STON2: variants seen among roughly 807,000 people sequenced by gnomAD.
STON2 encodes stonin-2.
In STON2, 29 loss-of-function variants were observed where a neutral mutation model predicts 65.7. The observed-to-expected ratio is 0.44, with a 90% CI of 0.33 to 0.60. The LOEUF is 0.60. Ranked by LOEUF, STON2 falls within the 20% of genes least tolerant of loss-of-function variation. The probability of loss-of-function intolerance (pLI) is 0.03; values close to 1 mark genes in which losing one functional copy is unlikely to be tolerated. For synonymous variants in STON2, 404 were observed against 414.2 expected (o/e 0.98, Z 0.30); for missense variants, 1,054 against 1,118.1 (o/e 0.94, Z 0.82).
At chr14:81,435,979 C>A (rs1271007658) in intron 1 of STON2, 1 of 152,294 alleles carries the variant, frequency 6.6e-6, no homozygotes. Flanking sequence ...CCTCCCCACT[C>A]GGGCCGATGA....
At chr14:81,388,575 G>A (rs543238247) in intron 3 of STON2, among the ~76,000 whole-genome samples, 1 of 152,310 alleles carries the variant, frequency 6.6e-6, no homozygotes, top group East Asian at 1.9e-4. Flanking sequence ...TACCATTAAT[G>A]ACAGTCTCTT....
At chr14:81,307,652 C>G (rs1051044935) in intron 5 of STON2, among the ~76,000 whole-genome samples, 3 of 152,236 alleles carry the variant, frequency 2.0e-5, no homozygotes, top group Non-Finnish European at 4.4e-5. Context: ...TCTTCTGCCT[C>G]TGCCACCCCA....
intron 3 of STON2, among the ~76,000 whole-genome samples, chr14:81,393,346 C>T (rs1053893643): frequency 1.3e-5 from 2 of 152,322 alleles, no homozygotes; most frequent in African/African-American, 4.8e-5. Context: ...CCACCCATCA[C>T]TTACCTTCCA....
intron 1 of STON2, among the ~76,000 whole-genome samples, chr14:81,432,742 T>G (rs867053520): frequency 6.6e-6 from 1 of 152,258 alleles, no homozygotes; most frequent in Non-Finnish European, 1.5e-5. Flanking sequence ...TTTCTCACTA[T>G]GAGCATTGCA....
At chr14:81,295,741 C>A (rs970078896) in intron 5 of STON2, among the ~76,000 whole-genome samples, 1 of 152,168 alleles carries the variant, frequency 6.6e-6, no homozygotes, top group Non-Finnish European at 1.5e-5. Context: ...CATTTCAAAG[C>A]ACATTGGTTT....
rs192362003 is a variant in STON2, at chr14:81,336,852, G to A, written c.572-12665C>T. Among the ~76,000 whole-genome samples the A allele has an allele frequency of 7.2e-5, 11 of 152,296 alleles. No individual in the cohort carries two copies. In the East Asian group the frequency reaches 1.9e-3, roughly 27 times the overall value. ...TGAATGAATGAAAGCCAAAGACGCT[G>A]GGCAGAGAGGCTTTAACCTCAGATG... is the stretch of plus-strand genomic sequence containing the variant. On this transcript the variant is annotated intron_variant, in intron 4 of 7. Coordinates refer to ENST00000614646, the MANE Select transcript of STON2 (RefSeq NM_001394390.1).
At chr14:81,314,227 G>T (rs1896541257) in intron 5 of STON2, among the ~76,000 whole-genome samples, 1 of 152,230 alleles carries the variant, frequency 6.6e-6, no homozygotes, top group Non-Finnish European at 1.5e-5. Context: ...AGGACCAGAT[G>T]TCCAGGCTTC....
At chr14:81,386,528 A>G (rs1899815436) in intron 3 of STON2, among the ~76,000 whole-genome samples, 1 of 152,206 alleles carries the variant, frequency 6.6e-6, no homozygotes. Context: ...CCCAGACACA[A>G]TGGGAAGGCC....
chr14:81,264,238 A>G lies in STON2; in HGVS notation c.*4176T>C. 1.0e-6 allele frequency: 1 copy of G among 985,470 alleles called. No individual in the cohort carries two copies. Among genetic ancestry groups the G allele is most frequent in the African/African-American group, 1.7e-5 (1 of 57,370 alleles). The allele number at this position is 985,470 out of a possible 1,614,324, so 61.0% of individuals were successfully genotyped here. On this transcript the variant is annotated 3_prime_UTR_variant, in exon 8 of 8. Transcript: ENST00000614646. ...GTAGTTCAAATTCAGCAGCATATTA[A>G]GTGCCTAAATGCTGACAGGTTTTAT...
At chr14:81,434,953 TTCTC>T (rs1297865936) in intron 1 of STON2, among the ~76,000 whole-genome samples, 1 of 151,878 alleles carries the variant, frequency 6.6e-6, no homozygotes, top group Non-Finnish European at 1.5e-5. Flanking sequence ...TGAGTTTTTT[TTCTC>T]TCTCTCTCTT....
intron 2 of STON2, among the ~76,000 whole-genome samples, chr14:81,417,918 G>T (rs1049749576): frequency 2.0e-5 from 3 of 152,220 alleles, no homozygotes; most frequent in Non-Finnish European, 2.9e-5. Context: ...GATGGCAAGA[G>T]GGAATTTTGA....
chr14:81,341,338 G>A (rs1156632351), intron 4 of STON2, among the ~76,000 whole-genome samples: 1 of 152,068 alleles, frequency 6.6e-6, no homozygotes, highest in Non-Finnish European at 1.5e-5. Context: ...GAAGGGAGAG[G>A]GTTGGGTGGA....
upstream of STON2, among the ~76,000 whole-genome samples, chr14:81,405,264 A>G (rs1900790566): frequency 6.6e-6 from 1 of 151,974 alleles, no homozygotes. Flanking sequence ...AGCTTATCCC[A>G]TGAATTTTGT....
chr14:81,432,337 CGTA>C (rs999902207), intron 1 of STON2, among the ~76,000 whole-genome samples: 1 of 151,976 alleles, frequency 6.6e-6, no homozygotes, highest in African/African-American at 2.4e-5. Flanking sequence ...TGCTCCATCT[CGTA>C]GTATAAGCCA....
intron 4 of STON2, among the ~76,000 whole-genome samples, chr14:81,344,344 T>C (rs1897732705): frequency 6.6e-6 from 1 of 152,198 alleles, no homozygotes; most frequent in Non-Finnish European, 1.5e-5. Context: ...CAGTTTGGGA[T>C]ATATCCTATC....
chr14:81,321,854 C>G (rs972844895), intron 5 of STON2, among the ~76,000 whole-genome samples: 2 of 152,122 alleles, frequency 1.3e-5, no homozygotes, highest in Admixed American at 6.5e-5. Flanking sequence ...TGAGGAACAT[C>G]TGAAGCCCCC....
intron 5 of STON2, among the ~76,000 whole-genome samples, chr14:81,292,246 G>GC (rs1290320749): frequency 2.6e-5 from 4 of 152,176 alleles, no homozygotes; most frequent in Non-Finnish European, 5.9e-5. Flanking sequence ...TGCTGCCAGG[G>GC]CCAAGGATCA....
intron 5 of STON2, among the ~76,000 whole-genome samples, chr14:81,301,757 G>T (rs1157289167): frequency 6.6e-6 from 1 of 152,170 alleles, no homozygotes; most frequent in Admixed American, 6.5e-5. Flanking sequence ...AAAAATACAT[G>T]TAAAGAACTG....
At chr14:81,435,803 A>C (rs1292748817) in intron 1 of STON2, among the ~76,000 whole-genome samples, 1 of 152,158 alleles carries the variant, frequency 6.6e-6, no homozygotes, top group African/African-American at 2.4e-5. Flanking sequence ...ACTCCATCCA[A>C]GCCCCACGTC....
Sources: gnomAD v4.1 joint callset for allele counts (sites outside exome capture counted in the v4.1 genomes callset) on GRCh38, gnomAD v4.1.1 for gene constraint, MANE v1.5 for transcripts, NCBI Gene and HGNC (gene_info 2026-07-23, HGNC 2026-07-21) for gene names.